Variants in ZYX observed in about 807,000 individuals in gnomAD.
ZYX encodes zyxin, also known as zyxin-2.
A neutral mutation model predicts 58.1 loss-of-function variants in ZYX; 37 were observed. The ratio of observed to expected loss-of-function variants is 0.64; its 90% CI spans 0.49 to 0.84. The LOEUF (loss-of-function observed/expected upper bound fraction) is 0.84. Ranked by LOEUF, ZYX falls within the 40% of genes least tolerant of loss-of-function variation. The pLI is 0.00. For synonymous variants in ZYX, 324 were observed against 321.1 expected (o/e 1.01, Z -0.10); for missense variants, 762 against 761.6 (o/e 1.00, Z -0.01).
At position 143,385,660 on chromosome 7, in the gene ZYX, C is replaced by CTTTTTTTTTTTTTTT. The variant is rs59995035; in HGVS notation, c.1023+2350_1023+2364dup. ...TGTGTGAGCGTGTGGTGTGGTATAT[C>CTTTTTTTTTTTTTTT]TTTTTTTTTTTTTTTTTTTTTTTTT... On this transcript the variant is annotated intron_variant, in intron 5 of 9. Transcript: ENST00000322764. Among the ~76,000 whole-genome samples, 195 of 68,962 alleles carry CTTTTTTTTTTTTTTT rather than the reference C, an allele frequency of 2.8e-3. 14 individuals carry two copies. Among genetic ancestry groups the CTTTTTTTTTTTTTTT allele is most frequent in the Admixed American group, 4.8e-3 (20 of 4,202 alleles). The allele number at this position is 68,962 out of a possible 152,430, so 45.2% of individuals were successfully genotyped here.
At position 143,387,095 on chromosome 7, in the gene ZYX, C is replaced by T. The variant is rs1255960559; in HGVS notation, c.1024-1124C>T. 6.6e-6 allele frequency among the ~76,000 whole-genome samples: 1 copy of T among 152,020 alleles called. No individual in the cohort carries two copies. Among genetic ancestry groups the T allele is most frequent in the East Asian group, 1.9e-4 (1 of 5,176 alleles). Reference sequence around the variant, plus strand: ...AGGAGACAAAGTTGAAGTGAGTGTTCCAGGGAACGAGTCAGTTAAGAGATG... The same window carrying T: ...AGGAGACAAAGTTGAAGTGAGTGTTTCAGGGAACGAGTCAGTTAAGAGATG... On this transcript the variant is annotated intron_variant, in intron 5 of 9. Coordinates refer to ENST00000322764, the MANE Select transcript of ZYX (RefSeq NM_003461.5). The surrounding 1 kb of genome is among the most constrained non-coding windows in gnomAD (Gnocchi z 5.8).
In ZYX at chr7:143,388,810, A is replaced by G. The variant is rs775156061; in HGVS notation, c.1358A>G (p.Asp453Gly). The G allele has an allele frequency of 1.5e-5, 24 of 1,613,838 alleles. No individual in the cohort carries two copies. Among genetic ancestry groups the G allele is most frequent in the Non-Finnish European group, 2.0e-5 (24 of 1,179,994 alleles). Reference protein sequence around the residue: ...KCNTCGEPITDRMLRATGKAY... With the variant: ...KCNTCGEPITGRMLRATGKAY... Reference sequence around the variant, plus strand: ...AACACCTGCGGGGAGCCCATCACTGACCGCATGCTGAGGGCCACGGGCAAG... The same window carrying G: ...AACACCTGCGGGGAGCCCATCACTGGCCGCATGCTGAGGGCCACGGGCAAG... Residue 453 changes from aspartate (D) to glycine (G), a missense_variant, in exon 8 of 10, where the codon GAC (aspartate) becomes GGC (glycine). Coordinates refer to ENST00000322764, the MANE Select transcript of ZYX (RefSeq NM_003461.5). This position sits in a 1 kb window ranked among gnomAD's most constrained non-coding sequence, Gnocchi z 7.5.
At position 143,384,995 on chromosome 7, in the gene ZYX, G is replaced by A. The variant is rs1246772987; in HGVS notation, c.1023+1673G>A. Reference sequence around the variant, plus strand: ...TAGTGGGGCACAGTGACACTGTGACGCTGGAGGGTCAGGGTCGGAGCGGAG... The same window carrying A: ...TAGTGGGGCACAGTGACACTGTGACACTGGAGGGTCAGGGTCGGAGCGGAG... On this transcript the variant is annotated intron_variant, in intron 5 of 9. Coordinates refer to ENST00000322764, the MANE Select transcript of ZYX (RefSeq NM_003461.5). The surrounding 1 kb of genome is among the most constrained non-coding windows in gnomAD (Gnocchi z 4.9). Among the ~76,000 whole-genome samples the A allele has an allele frequency of 2.0e-5, 3 of 152,124 alleles. No individual in the cohort carries two copies. The highest frequency in any genetic ancestry group is 4.8e-5 in the African/African-American group (2 of 41,408).
rs1804995003 is a variant in ZYX, at chr7:143,389,532, A to G, written c.1494-325A>G. On this transcript the variant is annotated intron_variant, in intron 8 of 9. Transcript: ENST00000322764. This position sits in a 1 kb window ranked among gnomAD's most constrained non-coding sequence, Gnocchi z 5.6. ...GGGGGAAGGTGAGGGTCAGGGACCC[A>G]GGATGGGATGGGAGGGGTACCTCAG... Among the ~76,000 whole-genome samples, 1 of 152,206 alleles carries G rather than the reference A, an allele frequency of 6.6e-6. No individual in the cohort carries two copies. The highest frequency in any genetic ancestry group is 2.4e-5 in the African/African-American group (1 of 41,446).
rs75145918 is a variant in ZYX, at chr7:143,388,338, C to T, written c.1143C>T (p.Asn381=). The change falls in exon 6 of 10, where the codon AAC becomes AAT. Residue 381 remains asparagine (N), a splice_region_variant and synonymous_variant. Coordinates refer to ENST00000322764, the MANE Select transcript of ZYX (RefSeq NM_003461.5). The surrounding 1 kb of genome is among the most constrained non-coding windows in gnomAD (Gnocchi z 7.5). The stretch of plus-strand genomic sequence containing the variant: ...CTCAGAGGCAGAATGTGGCTGTCAA[C>T]GGTGAGCCCACCCCACCGGGACACC... ...EHPQRQNVAV[N]ELCGRCHQPL... 2.1e-3 allele frequency: 3,454 copies of T among 1,613,708 alleles called. 65 individuals carry two copies. In the African/African-American group the frequency reaches 0.038, roughly 18 times the overall value.
In ZYX at chr7:143,387,970, G is replaced by T; in HGVS notation, c.1024-249G>T. On this transcript the variant is annotated intron_variant, in intron 5 of 9. Transcript: ENST00000322764. This position sits in a 1 kb window ranked among gnomAD's most constrained non-coding sequence, Gnocchi z 5.8. The stretch of plus-strand genomic sequence containing the variant: ...CTGGCCTGTCTGTGACTGCTCAGGG[G>T]GTTTGGGCAGAGTGGGTGGAAATGT... The T allele has an allele frequency of 1.7e-6, 1 of 578,492 alleles. No individual in the cohort carries two copies. Among genetic ancestry groups the T allele is most frequent in the Admixed American group, 2.3e-5 (1 of 44,336 alleles). The allele number at this position is 578,492 out of a possible 1,614,324, so 35.8% of individuals were successfully genotyped here.
Position 143,381,595 on chromosome 7 carries a change from C to A in ZYX, c.24C>A (p.Pro8=), listed in dbSNP as rs1390213679. Residue 8 remains proline (P), a synonymous_variant, in exon 2 of 10, where the codon CCC becomes CCA. Transcript: ENST00000322764. MAAPRPS[P]AISVSVSAPA... Reference sequence around the variant, plus strand: ...CCATGGCGGCCCCCCGCCCGTCTCCCGCGATCTCCGTTTCGGTCTCGGCTC... The same window carrying A: ...CCATGGCGGCCCCCCGCCCGTCTCCAGCGATCTCCGTTTCGGTCTCGGCTC... 1 of 1,611,218 alleles carries A rather than the reference C, an allele frequency of 6.2e-7. No individual in the cohort carries two copies. The highest frequency in any genetic ancestry group is 8.5e-7 in the Non-Finnish European group (1 of 1,179,110).
chr7:143,382,335 C>CGATCGAGGA lies in ZYX; in HGVS notation c.297_305dup (p.Ile100_Glu102dup), dbSNP rs1563105921. 1 of 1,606,892 alleles carries CGATCGAGGA rather than the reference C, an allele frequency of 6.2e-7. No homozygotes were observed. The highest frequency in any genetic ancestry group is 1.1e-5 in the South Asian group (1 of 90,560). On this transcript the variant is annotated inframe_insertion, in exon 3 of 10. Coordinates refer to ENST00000322764, the MANE Select transcript of ZYX (RefSeq NM_003461.5). ...GGTGCCTTCCCGCCGCCCCCTCCCC[C>CGATCGAGGA]GATCGAGGAATCATTTCCCCCTGCG...
At chr7:143,385,430 AATGT>A (rs764993808) in intron 5 of ZYX, among the ~76,000 whole-genome samples, 5 of 151,030 alleles carry the variant, frequency 3.3e-5, no homozygotes, top group South Asian at 2.1e-4. Context: ...TGTGAGCATG[AATGT>A]ATGAGTGGCG....
At position 143,388,509 on chromosome 7, in the gene ZYX, C is replaced by G; in HGVS notation, c.1165C>G (p.Gln389Glu). ...CCCAGAACTCTGCGGCCGATGCCAT[C>G]AACCCCTGGCCCGGGCGCAGCCAGC... Reference protein sequence around the residue: ...AVNELCGRCHQPLARAQPAVR... With the variant: ...AVNELCGRCHEPLARAQPAVR... The change falls in exon 7 of 10, where the codon CAA (glutamine) becomes GAA (glutamate). Residue 389 changes from glutamine to glutamate, a missense_variant. Physicochemically the swap from Gln to Glu is conservative, Grantham distance 29. Transcript: ENST00000322764. This position sits in a 1 kb window ranked among gnomAD's most constrained non-coding sequence, Gnocchi z 7.5. The G allele has an allele frequency of 6.2e-7, 1 of 1,610,180 alleles. No individual in the cohort carries two copies. The highest frequency in any genetic ancestry group is 1.1e-5 in the South Asian group (1 of 91,030).
Position 143,381,751 on chromosome 7 carries a change from G to A in ZYX, c.180G>A (p.Val60=), listed in dbSNP as rs1804598169. The change falls in exon 2 of 10, where the codon GTG becomes GTA. Residue 60 remains valine (V), a synonymous_variant. Transcript: ENST00000322764. ...CCCAGCGCGCACAGATGGGCCGGGT[G>A]GGCGAGATTCCCCCGCCGCCCCCGG... The part of the protein sequence containing the change: ...PGAQRAQMGR[V]GEIPPPPPED... 1.3e-6 allele frequency: 2 copies of A among 1,587,526 alleles called. No individual in the cohort carries two copies. Among genetic ancestry groups the A allele is most frequent in the Non-Finnish European group, 1.7e-6 (2 of 1,167,186 alleles).
rs772384803 is a variant in ZYX at position 143,388,716 on chromosome 7, C to G, written c.1315-51C>G. The G allele has an allele frequency of 1.9e-6, 3 of 1,609,506 alleles. No homozygotes were observed. The East Asian group carries it at 6.7e-5, about 36-fold the overall frequency. On this transcript the variant is annotated intron_variant, in intron 7 of 9. Coordinates refer to ENST00000322764, the MANE Select transcript of ZYX (RefSeq NM_003461.5). This position sits in a 1 kb window ranked among gnomAD's most constrained non-coding sequence, Gnocchi z 7.5. ...GTGCTGGGCAGTCGGGCCCTGGAAG[C>G]TTGCTGTGGGGTGCCGGTTCCCTGC...
rs1368962801 is a variant in ZYX at position 143,382,365 on chromosome 7, TGGA to T, written c.334_336del (p.Glu112del). ...GAGGAATCATTTCCCCCTGCGCCTC[TGGA>T]GGAGGAGATCTTCCCTTCCCCGCCG... On this transcript the variant is annotated inframe_deletion, in exon 3 of 10. Coordinates refer to ENST00000322764, the MANE Select transcript of ZYX (RefSeq NM_003461.5). 9.4e-6 allele frequency: 15 copies of T among 1,593,316 alleles called. No homozygotes were observed. In the Admixed American group the frequency reaches 1.2e-4, roughly 13 times the overall value.
At chr7:143,385,417 A>G (rs1472492188) in intron 5 of ZYX, among the ~76,000 whole-genome samples, 1 of 151,310 alleles carries the variant, frequency 6.6e-6, no homozygotes, top group Non-Finnish European at 1.5e-5. Flanking sequence ...GTGTATGTGC[A>G]TGTGTGAGCA....
At chr7:143,386,429 G>T (rs1323741273) in intron 5 of ZYX, among the ~76,000 whole-genome samples, 1 of 152,086 alleles carries the variant, frequency 6.6e-6, no homozygotes, top group Non-Finnish European at 1.5e-5. Context: ...GGGGGCTCAG[G>T]AGATGGAGAG....
intron 5 of ZYX, among the ~76,000 whole-genome samples, chr7:143,385,271 G>T (rs1325649506): frequency 6.6e-6 from 1 of 152,086 alleles, no homozygotes; most frequent in Non-Finnish European, 1.5e-5. Flanking sequence ...GGGGCTGCTG[G>T]TGTAGCCTGG....
Position 143,390,218 on chromosome 7 carries a change from A to G in ZYX, c.1614+241A>G, listed in dbSNP as rs539873699. On this transcript the variant is annotated intron_variant, in intron 9 of 9. Transcript: ENST00000322764. This position sits in a 1 kb window ranked among gnomAD's most constrained non-coding sequence, Gnocchi z 4.3. ...ATAAGCCAAGAAATGGGACAAGCCA[A>G]TAGGAGAGAAGAAGGGCATGGTGTT... 31 of 566,010 alleles carry G rather than the reference A, an allele frequency of 5.5e-5. No homozygotes were observed. The East Asian group carries it at 8.4e-4, about 15-fold the overall frequency. The allele number at this position is 566,010 out of a possible 1,614,324, so 35.1% of individuals were successfully genotyped here. A position where few individuals can be genotyped will look rare whatever the true frequency, so the allele number is the denominator to read the frequency against.
Position 143,390,690 on chromosome 7 carries a change from C to T in ZYX, c.*8C>T. On this transcript the variant is annotated 3_prime_UTR_variant, in exon 10 of 10. Coordinates refer to ENST00000322764, the MANE Select transcript of ZYX (RefSeq NM_003461.5). This position sits in a 1 kb window ranked among gnomAD's most constrained non-coding sequence, Gnocchi z 4.3. ...GCTAGAGCCCAGACCTGAGTGAGGA[C>T]AGGCCCTCTTCAGACCGCAGTCCAT... 1.3e-6 allele frequency: 2 copies of T among 1,566,440 alleles called. No homozygotes were observed. The highest frequency in any genetic ancestry group is 1.7e-6 in the Non-Finnish European group (2 of 1,154,334).
intron 5 of ZYX, among the ~76,000 whole-genome samples, 193 bp downstream of exon 5, chr7:143,383,515 AGGCCTGGCTGGGTGTGGGGCTGGGTGG>A (rs1388314879): frequency 1.3e-5 from 2 of 150,888 alleles, no homozygotes; most frequent in Non-Finnish European, 2.9e-5. Context: ...TCTGGAGGAG[AGGCCTGGCTGGGTGTGGGGCTGGGTGG>A]GGCCTGGCTG....
Sources: gnomAD v4.1 joint callset for allele counts (sites outside exome capture counted in the v4.1 genomes callset) on GRCh38, gnomAD v4.1.1 for gene constraint, Gnocchi (gnomAD v3.1) non-coding constraint, MANE v1.5 for transcripts, NCBI Gene and HGNC (gene_info 2026-07-23, HGNC 2026-07-21) for gene names.